Variants in CDK12 observed in about 807,000 individuals in gnomAD.
CDK12 encodes the protein cyclin-dependent kinase 12.
Under a neutral mutation model 133.8 loss-of-function variants are expected in CDK12, and 17 were observed. That is an observed-to-expected ratio of 0.13 (90% CI 0.09 to 0.19). CDK12 has a LOEUF of 0.19. Among genes scored for constraint, CDK12 ranks in the 10% least tolerant of loss-of-function variants. The pLI is 1.00. For missense variants in CDK12, 1,508 were observed against 1,818.7 expected, an observed-to-expected ratio of 0.83 and a Z score of 3.11; for synonymous variants, 694 against 683.6, an observed-to-expected ratio of 1.02 and a Z score of -0.24.
chr17:39,516,857 G>A (rs1419764033), intron 9 of CDK12, among the ~76,000 whole-genome samples: 1 of 149,578 alleles, frequency 6.7e-6, no homozygotes, highest in Non-Finnish European at 1.5e-5. Flanking sequence ...TAGAGACGGG[G>A]TTTCACCATG....
chr17:39,524,591 C>T, intron 11 of CDK12, 83 bp from the exon 12 acceptor site: 7 of 1,204,636 alleles, frequency 5.8e-6, no homozygotes, highest in South Asian at 2.7e-5. Context: ...CAGTCTTTGC[C>T]TTCCCATTTT....
At chr17:39,552,872 G>A (rs1355564664) in intron 2 of CDK12, among the ~76,000 whole-genome samples, 2 of 152,066 alleles carry the variant, frequency 1.3e-5, no homozygotes, top group Non-Finnish European at 2.9e-5. Context: ...GGGATTATAG[G>A]TGCGCACCAC....
chr17:39,520,017 T>C lies in CDK12; in HGVS notation c.3025T>C (p.Cys1009Arg). Residue 1009 changes from cysteine (C) to arginine (R), a missense_variant, in exon 11 of 14, where the codon TGC (cysteine) becomes CGC (arginine). By Grantham distance (180) the Cys-to-Arg change is radical. Coordinates refer to ENST00000447079, the MANE Select transcript of CDK12 (RefSeq NM_016507.4). ...HMLTLDPSKRCTAEQTLQSDF... is the reference protein window; with the variant it reads ...HMLTLDPSKRRTAEQTLQSDF... The stretch of plus-strand genomic sequence containing the variant: ...GCTGACACTAGATCCTAGTAAGCGG[T>C]GCACAGCTGAACAGACCCTACAGAG... 1 of 1,614,098 alleles carries C rather than the reference T, an allele frequency of 6.2e-7. No homozygotes were observed. The highest frequency in any genetic ancestry group is 8.5e-7 in the Non-Finnish European group (1 of 1,179,982).
chr17:39,491,393 C>T (rs1457106235), intron 3 of CDK12, among the ~76,000 whole-genome samples: 1 of 151,972 alleles, frequency 6.6e-6, no homozygotes, highest in Non-Finnish European at 1.5e-5. Context: ...CGTGCCACCA[C>T]GCCAGGCTAA....
chr17:39,471,461 C>A lies in CDK12; in HGVS notation c.1629C>A (p.Thr543=), dbSNP rs201618783. ...ASPPPPLPTT[T]PPPQTPPLPP... ...CCCCACCCCCTCTACCAACTACTACCCCTCCACCTCAGACACCCCCTTTGC... is the reference window on the plus strand; with the variant it reads ...CCCCACCCCCTCTACCAACTACTACACCTCCACCTCAGACACCCCCTTTGC... Residue 543 remains threonine (T), a synonymous_variant, in exon 2 of 14, where the codon ACC becomes ACA. Transcript: ENST00000447079. The A allele has an allele frequency of 1.2e-6, 2 of 1,613,274 alleles. No homozygotes were observed. Among genetic ancestry groups the A allele is most frequent in the Non-Finnish European group, 1.7e-6 (2 of 1,179,600 alleles).
At chr17:39,497,300 T>G (rs974343397) in intron 5 of CDK12, among the ~76,000 whole-genome samples, 1 of 152,130 alleles carries the variant, frequency 6.6e-6, no homozygotes, top group Non-Finnish European at 1.5e-5. Flanking sequence ...TCCCAGCATT[T>G]TGGGAGGCCA....
At chr17:39,510,114 CTTTTTTTTTTTTT>C (rs762953806) in intron 7 of CDK12, among the ~76,000 whole-genome samples, 22 of 125,470 alleles carry the variant, frequency 1.8e-4, no homozygotes, top group Admixed American at 9.7e-4. Flanking sequence ...CAATCTCTCT[CTTTTTTTTTTTTT>C]TTTTTTTTTG....
Position 39,463,292 on chromosome 17 carries a change from G to C in CDK12, c.1046+175G>C, listed in dbSNP as rs576320631. 8.5e-5 allele frequency among the ~76,000 whole-genome samples: 13 copies of C among 152,316 alleles called. No individual in the cohort carries two copies. The East Asian group carries it at 2.3e-3, about 27-fold the overall frequency. On this transcript the variant is annotated intron_variant, in intron 1 of 13. Transcript: ENST00000447079. ...CTCCCCTTAACCCAGAATTCGAGAAGTGAAGAGTACATAGGCCTCAAACCG... is the reference window on the plus strand; with the variant it reads ...CTCCCCTTAACCCAGAATTCGAGAACTGAAGAGTACATAGGCCTCAAACCG...
Position 39,533,000 on chromosome 17 carries a change from T to C in CDK12, c.*1684T>C. ...CATCTTGGAGGGTAGTTTTCAAAAC[T>C]CAAGTTTCATGTTTCAATGCCAAGT... On this transcript the variant is annotated 3_prime_UTR_variant, in exon 14 of 14. Coordinates refer to ENST00000447079, the MANE Select transcript of CDK12 (RefSeq NM_016507.4). The C allele has an allele frequency of 4.3e-6, 1 of 232,690 alleles. No individual in the cohort carries two copies. The highest frequency in any genetic ancestry group is 2.2e-5 in the African/African-American group (1 of 45,388). The allele number at this position is 232,690 out of a possible 1,614,324, so 14.4% of individuals were successfully genotyped here.
chr17:39,462,116 A>C lies in CDK12; in HGVS notation c.45A>C (p.Gly15=). 6.2e-7 allele frequency: 1 copy of C among 1,614,142 alleles called. No individual in the cohort carries two copies. The highest frequency in any genetic ancestry group is 8.5e-7 in the Non-Finnish European group (1 of 1,179,988). ...ATGGGGGCAAGAAGGACGGGAGTGG[A>C]GGAGCTTCTGGAACTTTGCAGCCGT... ...ERHGGKKDGS[G]GASGTLQPSS... The change falls in exon 1 of 14, where the codon GGA becomes GGC. Residue 15 remains glycine (G), a synonymous_variant. Transcript: ENST00000447079.
At chr17:39,507,974 C>T (rs2053238270) in intron 6 of CDK12, among the ~76,000 whole-genome samples, 1 of 152,176 alleles carries the variant, frequency 6.6e-6, no homozygotes, top group African/African-American at 2.4e-5. Context: ...AATATTGTCA[C>T]ATGTCCATAT....
At chr17:39,496,912 C>CT (rs71147349) in intron 5 of CDK12, among the ~76,000 whole-genome samples, 1,247 of 87,796 alleles carry the variant, frequency 0.014, 51 homozygotes, top group African/African-American at 0.028. Flanking sequence ...TTCAGTATAT[C>CT]TTTTTTTTTT....
At chr17:39,500,811 C>G (rs2052663361) in intron 5 of CDK12, among the ~76,000 whole-genome samples, 1 of 151,796 alleles carries the variant, frequency 6.6e-6, no homozygotes, top group South Asian at 2.1e-4. Flanking sequence ...ACTGCAGCCT[C>G]CAGCTCCTGG....
At chr17:39,482,599 A>ATCTTTTT (rs2050800618) in intron 2 of CDK12, among the ~76,000 whole-genome samples, 1 of 74,392 alleles carries the variant, frequency 1.3e-5, no homozygotes, top group African/African-American at 4.3e-5. Context: ...AATCAACTAC[A>ATCTTTTT]TTTTTTTTTT....
chr17:39,503,593 C>G (rs542859767), intron 6 of CDK12, among the ~76,000 whole-genome samples: 3 of 152,232 alleles, frequency 2.0e-5, no homozygotes. Context: ...TTGGTGTCCT[C>G]TCTGGTGGGT....
At chr17:39,510,581 A>C (rs2053436803) in intron 7 of CDK12, among the ~76,000 whole-genome samples, 2 of 125,184 alleles carry the variant, frequency 1.6e-5, no homozygotes, top group Admixed American at 1.7e-4. Context: ...ATTAGAATGG[A>C]AGTTATTTTT....
rs1389335447 is a variant in CDK12, at chr17:39,526,130, G to T, written c.3574G>T (p.Ala1192Ser). The T allele has an allele frequency of 1.2e-6, 2 of 1,614,190 alleles. No homozygotes were observed. Among genetic ancestry groups the T allele is most frequent in the Non-Finnish European group, 1.7e-6 (2 of 1,180,040 alleles). The change falls in exon 13 of 14, where the codon GCA becomes TCA. Residue 1192 changes from alanine (A) to serine (S), a missense_variant. By Grantham distance (99) the Ala-to-Ser change is moderately conservative. Coordinates refer to ENST00000447079, the MANE Select transcript of CDK12 (RefSeq NM_016507.4). ...APSAPVILPSAEQTTLEASST... is the reference protein window; with the variant it reads ...APSAPVILPSSEQTTLEASST... ...CTCTGCCCCAGTGATCCTGCCTTCAGCAGAACAGACGACCCTTGAAGCTTC... is the reference window on the plus strand; with the variant it reads ...CTCTGCCCCAGTGATCCTGCCTTCATCAGAACAGACGACCCTTGAAGCTTC...
chr17:39,489,035 C>G (rs1390743808), intron 2 of CDK12, among the ~76,000 whole-genome samples: 1 of 151,986 alleles, frequency 6.6e-6, no homozygotes, highest in Non-Finnish European at 1.5e-5. Context: ...ATTCTCCTGC[C>G]TCAGCCTCTC....
intron 3 of CDK12, among the ~76,000 whole-genome samples, chr17:39,491,979 T>G (rs1324330376): frequency 6.8e-6 from 1 of 146,122 alleles, no homozygotes; most frequent in African/African-American, 2.6e-5. Flanking sequence ...ATACAAAAAT[T>G]AGCTGGGCGG....
Sources: gnomAD v4.1 joint callset for allele counts (sites outside exome capture counted in the v4.1 genomes callset) on GRCh38, gnomAD v4.1.1 for gene constraint, MANE v1.5 for transcripts, NCBI Gene and HGNC (gene_info 2026-07-23, HGNC 2026-07-21) for gene names.